The following BCAR3 variants were observed in gnomAD, a reference collection of about 807,000 sequenced individuals.
BCAR3 encodes breast cancer anti-estrogen resistance protein 3.
BCAR3 carries 37 observed loss-of-function variants against 80.1 expected under a neutral mutation model. The ratio of observed to expected loss-of-function variants is 0.46; its 90% CI spans 0.36 to 0.61. The LOEUF (loss-of-function observed/expected upper bound fraction) is 0.61. BCAR3 is among the 20% of genes least tolerant of loss of function. The pLI, the probability that BCAR3 is intolerant of heterozygous loss-of-function variation, is 0.00. For missense variants in BCAR3, 978 were observed against 1,068.2 expected, an observed-to-expected ratio of 0.92 and a Z score of 1.18; for synonymous variants, 389 against 418.9, an observed-to-expected ratio of 0.93 and a Z score of 0.87.
intron 3 of BCAR3, chr1:93,599,261 A>T (rs1192524487): frequency 1.3e-5 from 2 of 152,324 alleles, no homozygotes; most frequent in Non-Finnish European, 1.5e-5. Flanking sequence ...TGCCAGGTGG[A>T]ACAAAGTGCT....
intron 3 of BCAR3, among the ~76,000 whole-genome samples, chr1:93,694,398 G>A (rs1649312471): frequency 6.6e-6 from 1 of 152,166 alleles, no homozygotes; most frequent in Non-Finnish European, 1.5e-5. Flanking sequence ...GCCCAGTCAT[G>A]ACTCCAGAGT....
intron 2 of BCAR3, among the ~76,000 whole-genome samples, chr1:93,733,449 G>C (rs192380570): frequency 6.6e-6 from 1 of 152,288 alleles, no homozygotes; most frequent in East Asian, 1.9e-4. Context: ...TTGCGCTGGG[G>C]GTAAAGGAGA....
At chr1:93,569,269 A>G (rs940598336) in intron 9 of BCAR3, among the ~76,000 whole-genome samples, 1 of 152,268 alleles carries the variant, frequency 6.6e-6, no homozygotes, top group Non-Finnish European at 1.5e-5. Flanking sequence ...ATGAGAAAAC[A>G]GAAGAGATTA....
chr1:93,823,768 C>T (rs1571152409), intron 2 of BCAR3, among the ~76,000 whole-genome samples: 1 of 134,402 alleles, frequency 7.4e-6, no homozygotes, highest in African/African-American at 2.5e-5. Flanking sequence ...GGCAAGATCT[C>T]GGCTCACTGC....
At chr1:93,704,411 T>C (rs1649764091) in intron 3 of BCAR3, among the ~76,000 whole-genome samples, 1 of 152,182 alleles carries the variant, frequency 6.6e-6, no homozygotes, top group Non-Finnish European at 1.5e-5. Context: ...GCTCATTACA[T>C]GCATCTATAA....
chr1:93,650,803 A>C (rs1038748681), intron 2 of BCAR3, among the ~76,000 whole-genome samples: 3 of 152,114 alleles, frequency 2.0e-5, no homozygotes, highest in Non-Finnish European at 4.4e-5. Flanking sequence ...TAAAATTTGA[A>C]CTTCTAATTT....
At chr1:93,674,570 T>C (rs966800684) in intron 2 of BCAR3, 44 bp downstream of exon 2, 3 of 1,591,524 alleles carry the variant, frequency 1.9e-6, no homozygotes, top group Non-Finnish European at 2.6e-6. Flanking sequence ...TTTAAAAAGC[T>C]GTTTAAGACA....
chr1:93,839,243 T>C (rs554301656), intron 2 of BCAR3, among the ~76,000 whole-genome samples: 1 of 152,206 alleles, frequency 6.6e-6, no homozygotes, highest in East Asian at 1.9e-4. Context: ...GCCGAGATTG[T>C]GGCACTGCAC....
intron 3 of BCAR3, chr1:93,614,177 C>T (rs1338508964): frequency 3.9e-6 from 5 of 1,265,846 alleles, no homozygotes; most frequent in Non-Finnish European, 5.0e-6. Context: ...GCCATGCACA[C>T]AGTGCCAGAA....
At chr1:93,718,565 A>G (rs1650269829) in intron 2 of BCAR3, among the ~76,000 whole-genome samples, 1 of 152,100 alleles carries the variant, frequency 6.6e-6, no homozygotes, top group Non-Finnish European at 1.5e-5. Context: ...TAAAATGGAG[A>G]TGATAGCTAC....
At chr1:93,571,564 G>T (rs954148237) in intron 9 of BCAR3, 106 bp downstream of exon 9, 4 of 1,416,564 alleles carry the variant, frequency 2.8e-6, no homozygotes, top group South Asian at 1.2e-5. Context: ...CTTTCACTAA[G>T]ATTCAATTTA....
At chr1:93,769,679 T>C (rs1203980377) in intron 2 of BCAR3, among the ~76,000 whole-genome samples, 4 of 152,180 alleles carry the variant, frequency 2.6e-5, no homozygotes, top group Admixed American at 2.6e-4. Flanking sequence ...TTAACCCCAC[T>C]TGGAGCCAGA....
intron 2 of BCAR3, among the ~76,000 whole-genome samples, chr1:93,836,751 AG>A (rs1344329990): frequency 6.6e-6 from 1 of 152,212 alleles, no homozygotes; most frequent in Non-Finnish European, 1.5e-5. Context: ...TCACAAAAGA[AG>A]TGAAAATGGC....
chr1:93,776,867 T>C (rs1456595019), intron 2 of BCAR3, among the ~76,000 whole-genome samples: 1 of 152,198 alleles, frequency 6.6e-6, no homozygotes, highest in East Asian at 1.9e-4. Context: ...TTGAACTATG[T>C]TCCCCAAAAG....
At chr1:93,812,318 A>C (rs1653874424) in intron 2 of BCAR3, among the ~76,000 whole-genome samples, 1 of 151,892 alleles carries the variant, frequency 6.6e-6, no homozygotes, top group African/African-American at 2.4e-5. Flanking sequence ...CCTCCTGTCT[A>C]GTTTTCCTAC....
At chr1:93,655,982 T>C (rs2101925026) in intron 2 of BCAR3, among the ~76,000 whole-genome samples, 1 of 152,360 alleles carries the variant, frequency 6.6e-6, no homozygotes, top group South Asian at 2.1e-4. Flanking sequence ...TCCTTCTTCG[T>C]GCAGGACATT....
At chr1:93,569,790 T>C (rs1673134575) in intron 9 of BCAR3, among the ~76,000 whole-genome samples, 1 of 152,172 alleles carries the variant, frequency 6.6e-6, no homozygotes, top group South Asian at 2.1e-4. Context: ...GTAATGTGGT[T>C]GGGGACAAGT....
chr1:93,652,156 G>C (rs1038102217), intron 2 of BCAR3, among the ~76,000 whole-genome samples: 6 of 152,164 alleles, frequency 3.9e-5, no homozygotes, highest in Non-Finnish European at 8.8e-5. Context: ...CCTGCTACGG[G>C]AGCCTTGTTC....
chr1:93,775,022 A>C (rs1185779368), intron 2 of BCAR3, among the ~76,000 whole-genome samples: 1 of 152,244 alleles, frequency 6.6e-6, no homozygotes, highest in Non-Finnish European at 1.5e-5. Context: ...TACTCTGGTT[A>C]CCCACTTTCA....
Sources: allele counts gnomAD v4.1 joint callset (sites outside exome capture counted in the v4.1 genomes callset), GRCh38; gene constraint gnomAD v4.1.1; transcripts MANE v1.5; gene names NCBI Gene and HGNC (gene_info 2026-07-23, HGNC 2026-07-21).